The following GTF2IRD1 variants were observed in gnomAD, a reference collection of about 807,000 sequenced individuals.
GTF2IRD1 encodes GTF2I repeat domain containing 1.
A neutral mutation model predicts 113.2 loss-of-function variants in GTF2IRD1; 26 were observed. The ratio of observed to expected loss-of-function variants is 0.23; its 90% confidence interval spans 0.17 to 0.32. The LOEUF is 0.32. Ranked by LOEUF, GTF2IRD1 falls within the 10% of genes least tolerant of loss-of-function variation. GTF2IRD1 has a pLI of 1.00. For synonymous variants in GTF2IRD1, 484 were observed against 529.1 expected, an observed-to-expected ratio of 0.91 and a Z score of 1.17; for missense variants, 864 against 1,280.8, an observed-to-expected ratio of 0.67 and a Z score of 4.97.
At chr7:74,518,075 C>A in intron 4 of GTF2IRD1, 64 bp from the exon 5 acceptor site, 1 of 1,227,910 alleles carries the variant, frequency 8.1e-7, no homozygotes, top group Non-Finnish European at 1.1e-6. Flanking sequence ...TGGGGCACAG[C>A]AGCCCCGACC....
chr7:74,564,818 T>C (rs1800195675), intron 22 of GTF2IRD1, among the ~76,000 whole-genome samples: 1 of 151,964 alleles, frequency 6.6e-6, no homozygotes, highest in African/African-American at 2.4e-5. Context: ...ACGTTTGCCT[T>C]CAGTGCCTCA....
At chr7:74,522,614 T>A (rs1259408957) in intron 7 of GTF2IRD1, among the ~76,000 whole-genome samples, 1 of 152,166 alleles carries the variant, frequency 6.6e-6, no homozygotes, top group Non-Finnish European at 1.5e-5. Context: ...CAACCCAACC[T>A]GTCACTGCCC....
At chr7:74,545,230 G>A (rs1798852202) in intron 15 of GTF2IRD1, among the ~76,000 whole-genome samples, 1 of 152,082 alleles carries the variant, frequency 6.6e-6, no homozygotes. Context: ...ATGGAAGTAG[G>A]ACAGAGAGAG....
chr7:74,520,572 A>T (rs933947600), intron 6 of GTF2IRD1, among the ~76,000 whole-genome samples: 6 of 151,886 alleles, frequency 4.0e-5, no homozygotes, highest in Admixed American at 3.3e-4. Flanking sequence ...AGCTTTGGGG[A>T]TGGGACCCGG....
chr7:74,485,338 C>T (rs1554335392), intron 1 of GTF2IRD1, among the ~76,000 whole-genome samples: 1 of 152,168 alleles, frequency 6.6e-6, no homozygotes, highest in East Asian at 1.9e-4. Flanking sequence ...ATGCAGCTGG[C>T]TGGGTGCGGT....
intron 2 of GTF2IRD1, among the ~76,000 whole-genome samples, chr7:74,511,279 G>A (rs1796613931): frequency 6.6e-6 from 1 of 152,180 alleles, no homozygotes; most frequent in Admixed American, 6.5e-5. Context: ...TTGGTGACCT[G>A]TAGGGAGGGT....
At position 74,470,483 on chromosome 7, in the gene GTF2IRD1, A is replaced by G. The variant is rs964448295; in HGVS notation, c.-7+16307A>G. Among the ~76,000 whole-genome samples the G allele has an allele frequency of 7.2e-5, 11 of 152,140 alleles. No homozygotes were observed. The East Asian group carries it at 1.9e-3, about 27-fold the overall frequency. ...TAATGGTTGTCTCTCTGGGTTTTTG[A>G]TAGCTTATTTATAACATTCAGCCTT... is the stretch of plus-strand genomic sequence containing the variant. On this transcript the variant is annotated intron_variant, in intron 1 of 26. Coordinates refer to ENST00000424337, the MANE Select transcript of GTF2IRD1 (RefSeq NM_005685.4).
intron 22 of GTF2IRD1, among the ~76,000 whole-genome samples, chr7:74,581,745 C>A (rs1224833021): frequency 1.3e-5 from 2 of 152,208 alleles, no homozygotes; most frequent in Admixed American, 6.5e-5. Flanking sequence ...CGATGGCTCA[C>A]GCCTGTATCT....
At position 74,601,100 on chromosome 7, in the gene GTF2IRD1, G is replaced by A. The variant is rs782411034; in HGVS notation, c.2686G>A (p.Val896Ile). Residue 896 changes from valine to isoleucine, a missense_variant, in exon 26 of 27, where the codon GTC (valine) becomes ATC (isoleucine). Around this residue, in one of 7 missense-constraint regions of GTF2IRD1, gnomAD observed 55 missense variants for 52.2 expected, o/e 1.05. Coordinates refer to ENST00000424337, the MANE Select transcript of GTF2IRD1 (RefSeq NM_005685.4). Reference protein sequence around the residue: ...KRKRVSEGNSVSSSSSSSSSS... With the variant: ...KRKRVSEGNSISSSSSSSSSS... ...AAAGCGGGTCTCGGAAGGAAATTCC[G>A]TCTCCTCTTCCTCCTCGTCTTCCTC... is the stretch of plus-strand genomic sequence containing the variant. The A allele has an allele frequency of 9.9e-6, 16 of 1,613,884 alleles. No individual in the cohort carries two copies. The highest frequency in any genetic ancestry group is 3.3e-5 in the South Asian group (3 of 91,058).
At chr7:74,571,081 C>T in intron 22 of GTF2IRD1, 1 of 984,920 alleles carries the variant, frequency 1.0e-6, no homozygotes, top group Non-Finnish European at 1.2e-6. Flanking sequence ...CTTGAGGGGA[C>T]TGTGGGAAGG....
chr7:74,550,144 C>T (rs1159417235), intron 17 of GTF2IRD1, among the ~76,000 whole-genome samples: 1 of 151,840 alleles, frequency 6.6e-6, no homozygotes, highest in Non-Finnish European at 1.5e-5. Context: ...TGCAGTGAGC[C>T]GAGATCGCAC....
intron 24 of GTF2IRD1, among the ~76,000 whole-genome samples, chr7:74,594,241 A>G (rs1421228507): frequency 6.6e-6 from 1 of 151,444 alleles, no homozygotes; most frequent in Non-Finnish European, 1.5e-5. Flanking sequence ...TTAGCCGGGC[A>G]TGGTGGTGTG....
chr7:74,496,111 T>C (rs797041935), intron 1 of GTF2IRD1, among the ~76,000 whole-genome samples: 5 of 152,040 alleles, frequency 3.3e-5, no homozygotes, highest in Non-Finnish European at 5.9e-5. Context: ...CATATGTGTG[T>C]ATGCATGTGT....
intron 1 of GTF2IRD1, among the ~76,000 whole-genome samples, chr7:74,471,701 A>AAAAAAAAAC (rs1554332421): frequency 3.0e-5 from 4 of 134,718 alleles, no homozygotes; most frequent in Non-Finnish European, 4.6e-5. Flanking sequence ...AAAAAAAAAA[A>AAAAAAAAAC]CAAAAAAAAC....
At chr7:74,576,378 T>C (rs587766300) in intron 22 of GTF2IRD1, among the ~76,000 whole-genome samples, 5 of 151,002 alleles carry the variant, frequency 3.3e-5, no homozygotes, top group Non-Finnish European at 7.4e-5. Flanking sequence ...CTGGCCAACG[T>C]GGTAAAACCC....
At chr7:74,516,142 G>A (rs6977805) in intron 4 of GTF2IRD1, among the ~76,000 whole-genome samples, 1,612 of 152,226 alleles carry the variant, frequency 0.011, 25 homozygotes, top group African/African-American at 0.036. Flanking sequence ...CCTGGACTTC[G>A]CGCTGTTACA....
chr7:74,503,247 G>A (rs1442561430), intron 1 of GTF2IRD1, among the ~76,000 whole-genome samples: 1 of 152,090 alleles, frequency 6.6e-6, no homozygotes, highest in African/African-American at 2.4e-5. Context: ...AGGAGCCCGG[G>A]CACTGAACAG....
intron 2 of GTF2IRD1, among the ~76,000 whole-genome samples, chr7:74,510,652 G>A (rs1554342665): frequency 6.6e-6 from 1 of 152,136 alleles, no homozygotes; most frequent in Non-Finnish European, 1.5e-5. Context: ...CAACTCAGTT[G>A]TTCAGTTGCA....
chr7:74,585,500 CACAGGAGAAGACAG>C (rs1554367494), intron 22 of GTF2IRD1, among the ~76,000 whole-genome samples: 1 of 152,106 alleles, frequency 6.6e-6, no homozygotes, highest in African/African-American at 2.4e-5. Context: ...TCTGTCCCGA[CACAGGAGAAGACAG>C]AGGTGTGGCA....
Sources: gnomAD v4.1 joint callset for allele counts (sites outside exome capture counted in the v4.1 genomes callset) on GRCh38, gnomAD v4.1.1 for gene constraint, gnomAD v4.1.1 regional missense constraint, MANE v1.5 for transcripts, NCBI Gene and HGNC (gene_info 2026-07-23, HGNC 2026-07-21) for gene names.